Variants in RAB3C observed in about 807,000 individuals in gnomAD.
RAB3C encodes the protein RAB3C, member RAS oncogene family.
Under a neutral mutation model 26.4 loss-of-function variants are expected in RAB3C, and 17 were observed. That is an observed-to-expected ratio of 0.64 (90% CI 0.44 to 0.97). The LOEUF (loss-of-function observed/expected upper bound fraction) is 0.97. RAB3C is among the 50% of genes least tolerant of loss of function. The pLI is 0.00. For synonymous variants in RAB3C, 91 were observed against 95.9 expected (o/e 0.95, Z 0.30); for missense variants, 242 against 281.9 (o/e 0.86, Z 1.01).
intron 1 of RAB3C, among the ~76,000 whole-genome samples, chr5:58,608,658 T>C (rs1448745623): frequency 1.3e-5 from 2 of 152,194 alleles, no homozygotes; most frequent in African/African-American, 4.8e-5. Context: ...GAACTAGAAA[T>C]ACCATTTGAC....
rs1369847509 is a variant in RAB3C at position 58,851,324 on chromosome 5, T to G, written c.657T>G (p.Pro219=). 6.2e-7 allele frequency: 1 copy of G among 1,609,364 alleles called. No homozygotes were observed. Among genetic ancestry groups the G allele is most frequent in the Non-Finnish European group, 8.5e-7 (1 of 1,178,228 alleles). The change falls in exon 5 of 5, where the codon CCT becomes CCG. Residue 219 remains proline, a synonymous_variant. Coordinates refer to ENST00000282878, the MANE Select transcript of RAB3C (RefSeq NM_138453.4). ...KQNTRLKETP[P]PPQPNCAC Reference sequence around the variant, plus strand: ...ACACGAGACTCAAGGAAACTCCTCCTCCACCGCAGCCCAACTGTGCCTGCT... The same window carrying G: ...ACACGAGACTCAAGGAAACTCCTCCGCCACCGCAGCCCAACTGTGCCTGCT...
At chr5:58,669,277 C>G (rs751444136) in intron 2 of RAB3C, among the ~76,000 whole-genome samples, 9 of 152,114 alleles carry the variant, frequency 5.9e-5, no homozygotes, top group Non-Finnish European at 1.0e-4. Flanking sequence ...AACCAAATCC[C>G]TATCCCAAAT....
chr5:58,785,050 A>G (rs1426404240), intron 3 of RAB3C, among the ~76,000 whole-genome samples: 1 of 152,204 alleles, frequency 6.6e-6, no homozygotes, highest in Non-Finnish European at 1.5e-5. Flanking sequence ...TTTGCACAGG[A>G]CTGAGGGAAA....
chr5:58,725,041 T>C (rs1740858045), intron 2 of RAB3C, among the ~76,000 whole-genome samples: 1 of 151,936 alleles, frequency 6.6e-6, no homozygotes, highest in Non-Finnish European at 1.5e-5. Flanking sequence ...GTTTTATACC[T>C]TTAAGTGTCT....
chr5:58,768,111 G>A (rs988095036), intron 3 of RAB3C, among the ~76,000 whole-genome samples: 1 of 152,140 alleles, frequency 6.6e-6, no homozygotes, highest in Non-Finnish European at 1.5e-5. Flanking sequence ...TAGAAGGGTG[G>A]AAGAAGACAG....
At chr5:58,770,296 G>T (rs1742005861) in intron 3 of RAB3C, among the ~76,000 whole-genome samples, 1 of 152,142 alleles carries the variant, frequency 6.6e-6, no homozygotes, top group African/African-American at 2.4e-5. Context: ...TATTGGCAGA[G>T]AAACTGAATA....
intron 2 of RAB3C, among the ~76,000 whole-genome samples, chr5:58,647,212 A>G (rs767355590): frequency 6.6e-6 from 1 of 152,210 alleles, no homozygotes; most frequent in African/African-American, 2.4e-5. Flanking sequence ...GACTGCTATA[A>G]AGAACTTCCC....
At chr5:58,719,262 A>G (rs1269548352) in intron 2 of RAB3C, among the ~76,000 whole-genome samples, 2 of 152,092 alleles carry the variant, frequency 1.3e-5, no homozygotes, top group African/African-American at 4.8e-5. Flanking sequence ...TTTTAAAGTA[A>G]CAAGATATAT....
intron 3 of RAB3C, among the ~76,000 whole-genome samples, chr5:58,745,493 A>G (rs187521926): frequency 1.6e-3 from 242 of 151,786 alleles, no homozygotes; most frequent in African/African-American, 5.6e-3. Context: ...CTGTTATTCA[A>G]ATGCATGGTG....
intron 2 of RAB3C, among the ~76,000 whole-genome samples, chr5:58,704,482 A>G (rs1748906497): frequency 6.6e-6 from 1 of 152,180 alleles, no homozygotes; most frequent in Non-Finnish European, 1.5e-5. Context: ...CTGCTTGTTT[A>G]GTGAGGTGAA....
At chr5:58,671,783 G>A (rs1486290588) in intron 2 of RAB3C, among the ~76,000 whole-genome samples, 1 of 152,130 alleles carries the variant, frequency 6.6e-6, no homozygotes, top group East Asian at 1.9e-4. Flanking sequence ...TGATAGCCAA[G>A]ATCTTTGCAA....
At chr5:58,700,798 G>T (rs1271060744) in intron 2 of RAB3C, among the ~76,000 whole-genome samples, 1 of 152,046 alleles carries the variant, frequency 6.6e-6, no homozygotes, top group Non-Finnish European at 1.5e-5. Context: ...TCGACTCGAG[G>T]TCTTGAACCA....
chr5:58,696,544 C>T (rs1748704273), intron 2 of RAB3C, among the ~76,000 whole-genome samples: 1 of 152,160 alleles, frequency 6.6e-6, no homozygotes, highest in Admixed American at 6.5e-5. Context: ...GTGAATCCGT[C>T]TGGTCCTGGA....
At chr5:58,749,308 A>G (rs1267493900) in intron 3 of RAB3C, among the ~76,000 whole-genome samples, 2 of 152,216 alleles carry the variant, frequency 1.3e-5, no homozygotes, top group East Asian at 1.9e-4. Flanking sequence ...AAAAATTTCA[A>G]TGTGGTTGGT....
chr5:58,762,536 T>C (rs1245686394), intron 3 of RAB3C, among the ~76,000 whole-genome samples: 1 of 151,980 alleles, frequency 6.6e-6, no homozygotes, highest in Non-Finnish European at 1.5e-5. Context: ...CTACTAAAAA[T>C]ACAAAAATTA....
intron 4 of RAB3C, among the ~76,000 whole-genome samples, chr5:58,838,045 G>A (rs1021164153): frequency 7.9e-5 from 12 of 151,146 alleles, no homozygotes; most frequent in Admixed American, 2.0e-4. Context: ...TTTTTTCTTC[G>A]TCTAGCTAAT....
intron 3 of RAB3C, among the ~76,000 whole-genome samples, chr5:58,769,550 A>G (rs1337161083): frequency 6.6e-6 from 1 of 152,164 alleles, no homozygotes; most frequent in Non-Finnish European, 1.5e-5. Context: ...TTAACAAAAG[A>G]ATAGAAGCAC....
rs61217462 is a variant in RAB3C at position 58,635,112 on chromosome 5, G to C, written c.252+17242G>C. ...AAGAATATTTTCTGTCCAGTGTTCAGTGAGTGAAGGGATAAGTCATCAGAG... is the reference window on the plus strand; with the variant it reads ...AAGAATATTTTCTGTCCAGTGTTCACTGAGTGAAGGGATAAGTCATCAGAG... On this transcript the variant is annotated intron_variant, in intron 2 of 4. Coordinates refer to ENST00000282878, the MANE Select transcript of RAB3C (RefSeq NM_138453.4). Among the ~76,000 whole-genome samples, 798 of 152,312 alleles carry C rather than the reference G, an allele frequency of 5.2e-3. 7 individuals carry two copies. Among genetic ancestry groups the C allele is most frequent in the African/African-American group, 0.018 (740 of 41,552 alleles).
At chr5:58,712,838 T>C (rs1749090907) in intron 2 of RAB3C, among the ~76,000 whole-genome samples, 1 of 152,160 alleles carries the variant, frequency 6.6e-6, no homozygotes, top group Admixed American at 6.5e-5. Flanking sequence ...AATATTTTTG[T>C]TTTTATTTTT....
Sources: allele counts gnomAD v4.1 joint callset (sites outside exome capture counted in the v4.1 genomes callset), GRCh38; gene constraint gnomAD v4.1.1; transcripts MANE v1.5; gene names NCBI Gene and HGNC (gene_info 2026-07-23, HGNC 2026-07-21).